DOK2: variants seen among roughly 807,000 people sequenced by gnomAD.
DOK2 encodes the protein docking protein 2, also known as docking protein 2, 56kD.
Under a neutral mutation model 26.0 loss-of-function variants are expected in DOK2, and 28 were observed. That is an observed-to-expected ratio of 1.08 (90% CI 0.80 to 1.48). The LOEUF is 1.48. DOK2 is among the 40% of genes most tolerant of loss of function. The pLI is 0.00. For missense variants in DOK2, 682 were observed against 558.2 expected, an observed-to-expected ratio of 1.22 and a Z score of -2.23; for synonymous variants, 282 against 236.9, an observed-to-expected ratio of 1.19 and a Z score of -1.75.
chr8:21,910,005 C>T (rs1809776526), intron 4 of DOK2, 74 bp from the exon 5 acceptor site: 7 of 1,410,414 alleles, frequency 5.0e-6, no homozygotes, highest in Non-Finnish European at 3.8e-6. Flanking sequence ...TTTTTGGAGA[C>T]AGAGTCTCAC....
At chr8:21,912,563 G>GAGATC in intron 1 of DOK2, 53 bp from the exon 2 acceptor site, 1 of 1,449,234 alleles carries the variant, frequency 6.9e-7, no homozygotes, top group South Asian at 1.4e-5. Flanking sequence ...CAGAGACGGG[G>GAGATC]AGATCGTGAG....
intron 4 of DOK2, 58 bp downstream of exon 4, chr8:21,910,615 C>A (rs1370673579): frequency 1.3e-6 from 2 of 1,599,328 alleles, no homozygotes; most frequent in South Asian, 1.1e-5. Context: ...CTTCTCACCC[C>A]TCTTTGTTCG....
At chr8:21,910,224 C>T (rs1809785286) in intron 4 of DOK2, among the ~76,000 whole-genome samples, 1 of 152,138 alleles carries the variant, frequency 6.6e-6, no homozygotes, top group Non-Finnish European at 1.5e-5. Flanking sequence ...TCATGATCCA[C>T]CTGCCTCGGC....
At chr8:21,913,372 C>G (rs1031476371) in intron 1 of DOK2, among the ~76,000 whole-genome samples, 167 bp downstream of exon 1, 2 of 152,176 alleles carry the variant, frequency 1.3e-5, no homozygotes, top group African/African-American at 4.8e-5. Context: ...GTTCAGGAGA[C>G]AGCGTCGGGT....
chr8:21,911,553 AGCCG>A (rs1809845815), intron 3 of DOK2, among the ~76,000 whole-genome samples: 1 of 152,182 alleles, frequency 6.6e-6, no homozygotes, highest in Non-Finnish European at 1.5e-5. Flanking sequence ...GGTTGCAGTG[AGCCG>A]AGATTGTGCC....
chr8:21,911,851 A>C, intron 3 of DOK2, 50 bp downstream of exon 3: 6 of 1,504,792 alleles, frequency 4.0e-6, no homozygotes, highest in South Asian at 2.5e-5. Context: ...TCTCCACCTC[A>C]CCCTGGGGAG....
rs369392176 is a variant in DOK2 at position 21,909,388 on chromosome 8, C to T, written c.1162G>A (p.Gly388Arg). ...CAGCCAGAAGCAGAGAAATCCTGCCCGGCTGGCTGGACATGCTGGAGGCCA... is the reference window on the plus strand; with the variant it reads ...CAGCCAGAAGCAGAGAAATCCTGCCTGGCTGGCTGGACATGCTGGAGGCCA... ...PAGLQHVQPA[G>R]QDFSASGWQP... Residue 388 changes from glycine to arginine, a missense_variant, in exon 5 of 5, where the codon GGG becomes AGG. By Grantham distance (125) the Gly-to-Arg change is moderately radical. Transcript: ENST00000276420. The T allele has an allele frequency of 2.1e-5, 34 of 1,597,696 alleles. No homozygotes were observed. Among genetic ancestry groups the T allele is most frequent in the Admixed American group, 1.2e-4 (7 of 58,160 alleles).
At chr8:21,911,533 G>A (rs1303745246) in intron 3 of DOK2, among the ~76,000 whole-genome samples, 5 of 152,126 alleles carry the variant, frequency 3.3e-5, no homozygotes, top group South Asian at 2.1e-4. Context: ...GCTTGAACCC[G>A]GGAAGCGGCG....
At position 21,909,555 on chromosome 8, in the gene DOK2, C is replaced by G; in HGVS notation, c.995G>C (p.Ser332Thr). ...TCGAGGGGGCAGGGTCTCCTCAATGCTGTCGTACAGAGGGTCGGCCAGGAG... is the reference window on the plus strand; with the variant it reads ...TCGAGGGGGCAGGGTCTCCTCAATGGTGTCGTACAGAGGGTCGGCCAGGAG... ...PQLLADPLYD[S>T]IEETLPPRPD... The change falls in exon 5 of 5, where the codon AGC becomes ACC. Residue 332 changes from serine to threonine, a missense_variant. By Grantham distance (58) the Ser-to-Thr change is moderately conservative. Coordinates refer to ENST00000276420, the MANE Select transcript of DOK2 (RefSeq NM_003974.4). The G allele has an allele frequency of 1.2e-6, 2 of 1,614,076 alleles. No individual in the cohort carries two copies. Among genetic ancestry groups the G allele is most frequent in the Non-Finnish European group, 1.7e-6 (2 of 1,179,968 alleles).
Position 21,913,560 on chromosome 8 carries a change from C to T in DOK2, c.42G>A (p.Gln14=). Reference sequence around the variant, plus strand: ...CTACCTTTCCAAACGTCTGCTGCTGCTGAAGATACAAGAAGCCTTGTTTCA... The same window carrying T: ...CTACCTTTCCAAACGTCTGCTGCTGTTGAAGATACAAGAAGCCTTGTTTCA... ...GAVKQGFLYL[Q]QQQTFGKKWR... Residue 14 remains glutamine (Q), a synonymous_variant, in exon 1 of 5, where the codon CAG becomes CAA. Coordinates refer to ENST00000276420, the MANE Select transcript of DOK2 (RefSeq NM_003974.4). The T allele has an allele frequency of 6.2e-7, 1 of 1,614,100 alleles. No homozygotes were observed. The highest frequency in any genetic ancestry group is 8.5e-7 in the Non-Finnish European group (1 of 1,180,002).
rs755930290 is a variant in DOK2 at position 21,909,707 on chromosome 8, A to AGGC, written c.840_842dup (p.Pro281dup). On this transcript the variant is annotated inframe_insertion, in exon 5 of 5. Transcript: ENST00000276420. The stretch of plus-strand genomic sequence containing the variant: ...GAGCAGGCACCGGTGTGGTGGGTGA[A>AGGC]GGCGGCGGCAGTGAGTCATGCGGCC... The AGGC allele has an allele frequency of 1.3e-5, 21 of 1,613,142 alleles. No homozygotes were observed. In the Admixed American group the frequency reaches 3.2e-4, roughly 24 times the overall value.
chr8:21,913,511 C>T (rs770379555), intron 1 of DOK2, 28 bp downstream of exon 1: 1 of 1,613,574 alleles, frequency 6.2e-7, no homozygotes, highest in East Asian at 2.2e-5. Flanking sequence ...AGGCCCCCTG[C>T]CCAACCCCAG....
At position 21,911,944 on chromosome 8, in the gene DOK2, C is replaced by A. The variant is rs755611723; in HGVS notation, c.390G>T (p.Arg130=). The part of the protein sequence containing the change: ...ELSGPEGKQS[R]PCMEENELYS... ...ACAATTCATTTTCCTCCATGCAGGGCCGGCTCTGCTTTCCCTCTGGCCCCG... is the reference window on the plus strand; with the variant it reads ...ACAATTCATTTTCCTCCATGCAGGGACGGCTCTGCTTTCCCTCTGGCCCCG... Residue 130 remains arginine (R), a synonymous_variant, in exon 3 of 5, where the codon CGG becomes CGT. Transcript: ENST00000276420. 6.4e-7 allele frequency: 1 copy of A among 1,562,526 alleles called. No individual in the cohort carries two copies. The highest frequency in any genetic ancestry group is 1.2e-5 in the South Asian group (1 of 85,010).
At position 21,912,443 on chromosome 8, in the gene DOK2, T is replaced by G; in HGVS notation, c.131A>C (p.Gln44Pro). 1 of 1,570,052 alleles carries G rather than the reference T, an allele frequency of 6.4e-7. No individual in the cohort carries two copies. The highest frequency in any genetic ancestry group is 1.2e-5 in the South Asian group (1 of 86,166). The part of the protein sequence containing the change: ...SDCALARLEL[Q>P]EGPEKPRRCE... ...CCGACGAGGCTTCTCCGGGCCCTCC[T>G]GCAGCTCCAGCCGGGCCAAGGCGCA... is the stretch of plus-strand genomic sequence containing the variant. Residue 44 changes from glutamine (Q) to proline (P), a missense_variant, in exon 2 of 5, where the codon CAG becomes CCG. Gln to Pro is a moderately conservative substitution (Grantham distance 76). Transcript: ENST00000276420.
At chr8:21,911,848 C>T (rs906414241) in intron 3 of DOK2, 53 bp downstream of exon 3, 8 of 1,519,302 alleles carry the variant, frequency 5.3e-6, no homozygotes, top group Middle Eastern at 1.7e-4. Context: ...TCCTCTCCAC[C>T]TCACCCTGGG....
rs1434873122 is a variant in DOK2, at chr8:21,909,744, C to A, written c.806G>T (p.Ser269Ile). 5.0e-6 allele frequency: 8 copies of A among 1,613,642 alleles called. No homozygotes were observed. Among genetic ancestry groups the A allele is most frequent in the Non-Finnish European group, 6.8e-6 (8 of 1,180,020 alleles). Residue 269 changes from serine (S) to isoleucine (I), a missense_variant, in exon 5 of 5, where the codon AGC (serine) becomes ATC (isoleucine). Physicochemically the swap from Ser to Ile is moderately radical, Grantham distance 142. Coordinates refer to ENST00000276420, the MANE Select transcript of DOK2 (RefSeq NM_003974.4). Reference protein sequence around the residue: ...TIPASLPRPDSPYSRPHDSLP... With the variant: ...TIPASLPRPDIPYSRPHDSLP... ...TGAGTCATGCGGCCGAGAGTAGGGG[C>A]TATCAGGCCGGGGCAGCGACGCGGG...
At chr8:21,910,079 T>A (rs1809779749) in intron 4 of DOK2, 148 bp from the exon 5 acceptor site, 1 of 914,438 alleles carries the variant, frequency 1.1e-6, no homozygotes, top group Admixed American at 2.9e-5. Context: ...CCTCCCAGGT[T>A]CAAGCGATTC....
Position 21,913,671 on chromosome 8 carries a change from G to C in DOK2, c.-70C>G, listed in dbSNP as rs1809944779. 2 of 1,568,186 alleles carry C rather than the reference G, an allele frequency of 1.3e-6. No homozygotes were observed. The highest frequency in any genetic ancestry group is 1.8e-6 in the Non-Finnish European group (2 of 1,140,842). On this transcript the variant is annotated 5_prime_UTR_variant, in exon 1 of 5. Coordinates refer to ENST00000276420, the MANE Select transcript of DOK2 (RefSeq NM_003974.4). ...TCCTGCCCTTGCCTCTCTCTTCTTAGCCGTGTGTTTCCCTTCTCTGAAGTT... is the reference window on the plus strand; with the variant it reads ...TCCTGCCCTTGCCTCTCTCTTCTTACCCGTGTGTTTCCCTTCTCTGAAGTT...
In DOK2 at chr8:21,913,612, T is replaced by G. The variant is rs1421378229; in HGVS notation, c.-11A>C. 1 of 1,613,710 alleles carries G rather than the reference T, an allele frequency of 6.2e-7. No homozygotes were observed. The highest frequency in any genetic ancestry group is 8.5e-7 in the Non-Finnish European group (1 of 1,179,954). On this transcript the variant is annotated 5_prime_UTR_variant, in exon 1 of 5. An upstream start codon of the reference 5' UTR is lost. Coordinates refer to ENST00000276420, the MANE Select transcript of DOK2 (RefSeq NM_003974.4). ...TGCCCCGTCTCCCATCCTCTGACCA[T>G]CTCGGAGCCCCAGGCTTCAGCTCTC...
Sources: allele counts gnomAD v4.1 joint callset (sites outside exome capture counted in the v4.1 genomes callset), GRCh38; gene constraint gnomAD v4.1.1; transcripts MANE v1.5; gene names NCBI Gene and HGNC (gene_info 2026-07-23, HGNC 2026-07-21).